Variants in ADGRL3 observed in about 807,000 individuals in gnomAD.
ADGRL3 encodes calcium-independent alpha-latrotoxin receptor 3.
In ADGRL3, 62 loss-of-function variants were observed where a neutral mutation model predicts 153.5. That is an observed-to-expected ratio of 0.40 (90% confidence interval 0.33 to 0.50). The LOEUF is 0.50. Ranked by LOEUF, ADGRL3 falls within the 20% of genes least tolerant of loss-of-function variation. ADGRL3 has a pLI of 0.47. For synonymous variants in ADGRL3, 710 were observed against 672.5 expected (o/e 1.06, Z -0.86); for missense variants, 1,641 against 1,859.4 (o/e 0.88, Z 2.16).
intron 6 of ADGRL3, among the ~76,000 whole-genome samples, chr4:61,681,101 TC>T (rs1240950232): frequency 6.6e-6 from 1 of 152,092 alleles, no homozygotes; most frequent in Non-Finnish European, 1.5e-5. Flanking sequence ...TGTTCTTCCA[TC>T]TTTCTTCTTC....
intron 2 of ADGRL3, among the ~76,000 whole-genome samples, chr4:61,479,798 C>T (rs1309059099): frequency 6.6e-6 from 1 of 152,012 alleles, no homozygotes; most frequent in East Asian, 1.9e-4. Context: ...TATGGGTTCT[C>T]TCTCTTTTTT....
At chr4:62,039,798 T>C (rs1727180458) in intron 24 of ADGRL3, among the ~76,000 whole-genome samples, 1 of 152,178 alleles carries the variant, frequency 6.6e-6, no homozygotes, top group Non-Finnish European at 1.5e-5. Context: ...TTTCAATTGA[T>C]ATTGCTAAGA....
chr4:61,266,459 T>C (rs1437451412), intron 1 of ADGRL3, among the ~76,000 whole-genome samples: 1 of 151,846 alleles, frequency 6.6e-6, no homozygotes, highest in African/African-American at 2.4e-5. Flanking sequence ...TGCCATTCAA[T>C]TTTAACATCA....
intron 9 of ADGRL3, among the ~76,000 whole-genome samples, chr4:61,820,465 T>C (rs764799320): frequency 4.6e-5 from 7 of 152,184 alleles, no homozygotes; most frequent in Non-Finnish European, 8.8e-5. Context: ...CAGCCTTCAC[T>C]ATAAACGACT....
intron 3 of ADGRL3, among the ~76,000 whole-genome samples, chr4:61,513,229 C>G (rs561652509): frequency 6.6e-6 from 1 of 152,082 alleles, no homozygotes; most frequent in African/African-American, 2.4e-5. Context: ...AAAATAGAAA[C>G]AGCTGAAGTT....
rs1030929496 is a variant in ADGRL3, at chr4:61,200,728, C to T, written c.-1277C>T. Among the ~76,000 whole-genome samples, 134 of 152,144 alleles carry T rather than the reference C, an allele frequency of 8.8e-4. No homozygotes were observed. Among genetic ancestry groups the T allele is most frequent in the African/African-American group, 2.8e-3 (117 of 41,536 alleles). On this transcript the variant is annotated 5_prime_UTR_variant, in exon 1 of 27. Transcript: ENST00000683033. ...TGTGCGCGTGTGTGAGTGTGCGTGT[C>T]TGGAGAGCGCCAGTGCCTCGCTCGC...
chr4:61,874,333 CACA>C (rs1427444488), intron 9 of ADGRL3, among the ~76,000 whole-genome samples: 1 of 152,112 alleles, frequency 6.6e-6, no homozygotes, highest in Non-Finnish European at 1.5e-5. Flanking sequence ...TTGGGTAGCT[CACA>C]ACATGTCAGC....
chr4:61,334,018 C>A (rs2095627400), intron 1 of ADGRL3, among the ~76,000 whole-genome samples: 1 of 151,578 alleles, frequency 6.6e-6, no homozygotes, highest in African/African-American at 2.4e-5. Context: ...CTGGTCCAAG[C>A]AATTCTCATG....
intron 1 of ADGRL3, among the ~76,000 whole-genome samples, chr4:61,323,776 C>G (rs994398267): frequency 6.6e-6 from 1 of 152,180 alleles, no homozygotes; most frequent in African/African-American, 2.4e-5. Flanking sequence ...CTGCTTTCTT[C>G]TGAGCCTTCC....
chr4:61,400,287 G>C (rs2096914567), intron 2 of ADGRL3, among the ~76,000 whole-genome samples: 1 of 151,758 alleles, frequency 6.6e-6, no homozygotes, highest in Non-Finnish European at 1.5e-5. Context: ...AAATGTCACA[G>C]TTTCATTTAT....
At chr4:61,241,053 A>C (rs1160857247) in intron 1 of ADGRL3, among the ~76,000 whole-genome samples, 1 of 152,022 alleles carries the variant, frequency 6.6e-6, no homozygotes, top group Non-Finnish European at 1.5e-5. Flanking sequence ...TTTTAGATGA[A>C]AAAACTGTGT....
At chr4:61,502,409 G>T (rs1435058030) in intron 3 of ADGRL3, among the ~76,000 whole-genome samples, 1 of 151,792 alleles carries the variant, frequency 6.6e-6, no homozygotes, top group Non-Finnish European at 1.5e-5. Context: ...ACGGCGAGCG[G>T]TATGTTTTAT....
chr4:61,778,622 C>T (rs1051045291), intron 8 of ADGRL3, among the ~76,000 whole-genome samples: 3 of 152,096 alleles, frequency 2.0e-5, no homozygotes, highest in African/African-American at 7.2e-5. Context: ...ACTTACATTC[C>T]CTTGGAAGGA....
intron 1 of ADGRL3, among the ~76,000 whole-genome samples, chr4:61,213,853 T>C (rs1409822337): frequency 6.6e-6 from 1 of 152,190 alleles, no homozygotes; most frequent in Non-Finnish European, 1.5e-5. Context: ...GCCTGTTCTC[T>C]AATTTTTTTC....
intron 23 of ADGRL3, among the ~76,000 whole-genome samples, chr4:62,036,149 C>G (rs1724857291): frequency 6.6e-6 from 1 of 152,044 alleles, no homozygotes; most frequent in Admixed American, 6.6e-5. Context: ...AAATCAATAG[C>G]ATTTTAAATA....
intron 9 of ADGRL3, among the ~76,000 whole-genome samples, chr4:61,882,148 A>G (rs955235408): frequency 4.6e-5 from 7 of 152,222 alleles, no homozygotes; most frequent in Admixed American, 1.3e-4. Context: ...CGAGGTCAGT[A>G]TATTTATTTG....
chr4:61,850,303 G>T (rs2098186605), intron 9 of ADGRL3, among the ~76,000 whole-genome samples: 1 of 151,978 alleles, frequency 6.6e-6, no homozygotes, highest in African/African-American at 2.4e-5. Flanking sequence ...AATATCGGTT[G>T]GTGCAAAACA....
At chr4:61,318,639 T>C (rs1209041094) in intron 1 of ADGRL3, among the ~76,000 whole-genome samples, 2 of 152,188 alleles carry the variant, frequency 1.3e-5, no homozygotes, top group Non-Finnish European at 2.9e-5. Flanking sequence ...GGCTACAACA[T>C]GACAAAAGCA....
intron 9 of ADGRL3, among the ~76,000 whole-genome samples, chr4:61,814,984 G>A (rs191477738): frequency 9.2e-5 from 14 of 152,130 alleles, no homozygotes; most frequent in Admixed American, 4.6e-4. Context: ...TTTTCCCTGA[G>A]CCATCGGGTC....
Sources: gnomAD v4.1 joint callset for allele counts (sites outside exome capture counted in the v4.1 genomes callset) on GRCh38, gnomAD v4.1.1 for gene constraint, MANE v1.5 for transcripts, NCBI Gene and HGNC (gene_info 2026-07-23, HGNC 2026-07-21) for gene names.